The following DOC2A variants were observed in gnomAD, a reference collection of about 807,000 sequenced individuals.
DOC2A encodes the protein double C2 domain alpha.
DOC2A carries 28 observed loss-of-function variants against 40.6 expected under a neutral mutation model. The observed-to-expected ratio is 0.69, with a 90% CI of 0.51 to 0.95. The LOEUF is 0.95. DOC2A is among the 40% of genes least tolerant of loss of function. The pLI is 0.00. For missense variants in DOC2A, 474 were observed against 552.5 expected (o/e 0.86, Z 1.42); for synonymous variants, 241 against 236.9 (o/e 1.02, Z -0.16).
At position 30,010,473 on chromosome 16, in the gene DOC2A, C is replaced by T. The variant is rs916901161; in HGVS notation, c.-13-238G>A. ...CTTGCAGAAGTCGAGGTTGCACCAC[C>T]CCGTCCTCACCCACCCACTTCTAGG... On this transcript the variant is annotated intron_variant, in intron 1 of 10. Coordinates refer to ENST00000350119, the MANE Select transcript of DOC2A (RefSeq NM_003586.3). This position sits in a 1 kb window ranked among gnomAD's most constrained non-coding sequence, Gnocchi z 4.2. 16 of 599,260 alleles carry T rather than the reference C, an allele frequency of 2.7e-5. No homozygotes were observed. The highest frequency in any genetic ancestry group is 4.8e-5 in the Non-Finnish European group (16 of 334,022). The allele number at this position is 599,260 out of a possible 1,614,324, so 37.1% of individuals were successfully genotyped here. A position where few individuals can be genotyped will look rare whatever the true frequency, so the allele number is the denominator to read the frequency against.
upstream of DOC2A, among the ~76,000 whole-genome samples, chr16:30,016,045 A>ATG (rs2070852290): frequency 4.4e-5 from 1 of 22,824 alleles, no homozygotes; most frequent in Non-Finnish European, 8.3e-5. Context: ...ATATATATAT[A>ATG]TATATATATA....
In DOC2A at chr16:30,009,089, G is replaced by A. The variant is rs747051337; in HGVS notation, c.434C>T (p.Thr145Met). Residue 145 changes from threonine to methionine, a missense_variant, in exon 5 of 11, where the codon ACG (threonine) becomes ATG (methionine). By Grantham distance (81) the Thr-to-Met change is moderately conservative. Coordinates refer to ENST00000350119, the MANE Select transcript of DOC2A (RefSeq NM_003586.3). The surrounding 1 kb of genome is among the most constrained non-coding windows in gnomAD (Gnocchi z 4.1). ...PGACKANKLKTKTQRNTLNPV... is the reference protein window; with the variant it reads ...PGACKANKLKMKTQRNTLNPV... ...ATTCAGTGTGTTCCTCTGAGTCTTC[G>A]TTTTTAGCTTATTGGCCTGGGATGT... 1 of 1,592,846 alleles carries A rather than the reference G, an allele frequency of 6.3e-7. No individual in the cohort carries two copies. Among genetic ancestry groups the A allele is most frequent in the Non-Finnish European group, 8.6e-7 (1 of 1,167,684 alleles).
At position 30,007,182 on chromosome 16, in the gene DOC2A, G is replaced by A. The variant is rs764082327; in HGVS notation, c.645C>T (p.Arg215=). The A allele has an allele frequency of 2.6e-5, 42 of 1,613,880 alleles. No individual in the cohort carries two copies. In the Admixed American group the frequency reaches 4.5e-4, roughly 17 times the overall value. ...QKKHFNICLE[R]QVPLASPSSM... is the part of the protein sequence containing the mutation. Reference sequence around the variant, plus strand: ...CAGCCCCCACACAGACCGGGACCTGGCGCTCGAGGCAGATGTTAAAATGCT... The same window carrying A: ...CAGCCCCCACACAGACCGGGACCTGACGCTCGAGGCAGATGTTAAAATGCT... Residue 215 remains arginine (R), a synonymous_variant, in exon 6 of 11, where the codon CGC becomes CGT. Transcript: ENST00000350119.
chr16:30,010,076 GCCGC>G lies in DOC2A; in HGVS notation c.143_146del (p.Gly48AlafsTer42). The G allele has an allele frequency of 6.2e-7, 1 of 1,610,906 alleles. No homozygotes were observed. Among genetic ancestry groups the G allele is most frequent in the Non-Finnish European group, 8.5e-7 (1 of 1,178,418 alleles). On this transcript the variant is annotated frameshift_variant, in exon 2 of 11. Coordinates refer to ENST00000350119, the MANE Select transcript of DOC2A (RefSeq NM_003586.3). LOFTEE classifies it high-confidence loss of function. This position sits in a 1 kb window ranked among gnomAD's most constrained non-coding sequence, Gnocchi z 4.2. Reference sequence around the variant, plus strand: ...GGACCAGATGGGCGGGGGCCTCCCCGCCGCCCCCGCCGCCCCCTTCAGGTCCTGG... The same window carrying G: ...GGACCAGATGGGCGGGGGCCTCCCCGCCCCGCCGCCCCCTTCAGGTCCTGG...
At chr16:30,007,403 T>C in intron 5 of DOC2A, 104 bp from the exon 6 acceptor site, 1 of 1,513,272 alleles carries the variant, frequency 6.6e-7, no homozygotes, top group Non-Finnish European at 9.1e-7. Flanking sequence ...ACACTACGTC[T>C]CATCTGGAAG....
At position 30,009,045 on chromosome 16, in the gene DOC2A, G is replaced by T. The variant is rs2070700321; in HGVS notation, c.478C>A (p.Leu160Met). The T allele has an allele frequency of 6.2e-7, 1 of 1,613,968 alleles. No homozygotes were observed. The highest frequency in any genetic ancestry group is 1.7e-5 in the Admixed American group (1 of 60,000). ...TCATCTGTGATCCCGCTGTAAGTCA[G>T]GTCCTCATTCCACACGGGATTCAGT... ...NTLNPVWNED[L>M]TYSGITDDDI... is the part of the protein sequence containing the mutation. Residue 160 changes from leucine (L) to methionine (M), a missense_variant, in exon 5 of 11, where the codon CTG becomes ATG. Physicochemically the swap from Leu to Met is conservative, Grantham distance 15. Coordinates refer to ENST00000350119, the MANE Select transcript of DOC2A (RefSeq NM_003586.3). This position sits in a 1 kb window ranked among gnomAD's most constrained non-coding sequence, Gnocchi z 4.1.
intron 1 of DOC2A, among the ~76,000 whole-genome samples, chr16:30,019,258 C>T (rs371033832): frequency 6.6e-6 from 1 of 152,094 alleles, no homozygotes; most frequent in African/African-American, 2.4e-5. Context: ...GCAGAGGTTG[C>T]GGTGAGCCGA....
chr16:30,010,033 G>T lies in DOC2A; in HGVS notation c.190C>A (p.Pro64Thr), dbSNP rs745882272. The change falls in exon 2 of 11, where the codon CCT becomes ACT. Residue 64 changes from proline to threonine, a missense_variant. Physicochemically the swap from Pro to Thr is conservative, Grantham distance 38. Transcript: ENST00000350119. The surrounding 1 kb of genome is among the most constrained non-coding windows in gnomAD (Gnocchi z 4.2). ...AHLVPLALAP[P>T]AALLGATTPE... ...GTGGTGGCCCCAAGGAGGGCTGCAG[G>T]GGGGGCCAGAGCCAGGGGGACCAGA... 8 of 1,612,148 alleles carry T rather than the reference G, an allele frequency of 5.0e-6. No homozygotes were observed. Among genetic ancestry groups the T allele is most frequent in the Middle Eastern group, 3.7e-4 (2 of 5,356 alleles).
chr16:30,009,048 C>T lies in DOC2A; in HGVS notation c.475G>A (p.Asp159Asn), dbSNP rs200640037. ...TCTGTGATCCCGCTGTAAGTCAGGT[C>T]CTCATTCCACACGGGATTCAGTGTG... ...RNTLNPVWNE[D>N]LTYSGITDDD... Residue 159 changes from aspartate (D) to asparagine (N), a missense_variant, in exon 5 of 11, where the codon GAC (aspartate) becomes AAC (asparagine). Asp to Asn is a conservative substitution (Grantham distance 23, BLOSUM62 1). Coordinates refer to ENST00000350119, the MANE Select transcript of DOC2A (RefSeq NM_003586.3). The surrounding 1 kb of genome is among the most constrained non-coding windows in gnomAD (Gnocchi z 4.1). The T allele has an allele frequency of 6.2e-7, 1 of 1,614,120 alleles. No homozygotes were observed. Among genetic ancestry groups the T allele is most frequent in the Non-Finnish European group, 8.5e-7 (1 of 1,180,024 alleles).
chr16:30,013,103 C>T (rs1290763336), upstream of DOC2A, among the ~76,000 whole-genome samples: 3 of 139,206 alleles, frequency 2.2e-5, no homozygotes, highest in Non-Finnish European at 4.5e-5. Flanking sequence ...GGACTGATCC[C>T]TTGAGCTCAG....
chr16:30,015,818 A>T (rs1596714183), upstream of DOC2A, among the ~76,000 whole-genome samples: 1 of 144,026 alleles, frequency 6.9e-6, no homozygotes. Flanking sequence ...CTCCCACTTT[A>T]GCCTCCCATG....
At chr16:30,015,744 A>T, upstream of DOC2A, among the ~76,000 whole-genome samples, 1 of 120,842 alleles carries the variant, frequency 8.3e-6, no homozygotes, top group African/African-American at 3.2e-5. Context: ...TGTGTTGCCT[A>T]GGCTGGAGTG....
At position 30,010,280 on chromosome 16, in the gene DOC2A, T is replaced by A; in HGVS notation, c.-13-45A>T. ...CCAGTGAGCCCATCATACCTAGCCA[T>A]CCTGGCTGAGGGCCAGGCGACGGCC... On this transcript the variant is annotated intron_variant, in intron 1 of 10. Transcript: ENST00000350119. This position sits in a 1 kb window ranked among gnomAD's most constrained non-coding sequence, Gnocchi z 4.2. 1 of 1,607,474 alleles carries A rather than the reference T, an allele frequency of 6.2e-7. No homozygotes were observed. The highest frequency in any genetic ancestry group is 2.2e-5 in the East Asian group (1 of 44,862).
At chr16:30,019,356 G>A (rs536816796) in intron 1 of DOC2A, among the ~76,000 whole-genome samples, 1 of 152,136 alleles carries the variant, frequency 6.6e-6, no homozygotes, top group East Asian at 1.9e-4. Context: ...AAAGATGAGG[G>A]AGTGGAGACA....
upstream of DOC2A, among the ~76,000 whole-genome samples, chr16:30,022,246 CAAAAAAAAAAAAAAA>C (rs60987861): frequency 1.5e-4 from 5 of 34,286 alleles, no homozygotes; most frequent in Admixed American, 5.5e-4. Context: ...AACTCCATCT[CAAAAAAAAAAAAAAA>C]AAAAAAAAAA....
chr16:30,007,463 C>G, intron 5 of DOC2A, 164 bp from the exon 6 acceptor site: 1 of 915,976 alleles, frequency 1.1e-6, no homozygotes, highest in Non-Finnish European at 1.7e-6. Context: ...TCCTCTGTCC[C>G]TCCCTCTGCA....
chr16:30,010,773 G>T lies in DOC2A; in HGVS notation c.-14+130C>A. 1.6e-6 allele frequency: 1 copy of T among 636,322 alleles called. No individual in the cohort carries two copies. The highest frequency in any genetic ancestry group is 2.0e-6 in the Non-Finnish European group (1 of 502,832). The allele number at this position is 636,322 out of a possible 1,614,324, so 39.4% of individuals were successfully genotyped here. On this transcript the variant is annotated intron_variant, in intron 1 of 10. Transcript: ENST00000350119. This position sits in a 1 kb window ranked among gnomAD's most constrained non-coding sequence, Gnocchi z 4.2. ...CACGGTGGAGACCCCAGCCTCAGATGCCACCTCTGGCTCCTCAGGGGAGCC... is the reference window on the plus strand; with the variant it reads ...CACGGTGGAGACCCCAGCCTCAGATTCCACCTCTGGCTCCTCAGGGGAGCC...
chr16:30,019,577 G>A (rs1406315636), intron 1 of DOC2A, among the ~76,000 whole-genome samples: 1 of 152,164 alleles, frequency 6.6e-6, no homozygotes, highest in Non-Finnish European at 1.5e-5. Flanking sequence ...GGTCAAAATG[G>A]CCTTTACTAG....
intron 1 of DOC2A, among the ~76,000 whole-genome samples, chr16:30,019,276 C>G (rs962362031): frequency 6.6e-6 from 1 of 152,138 alleles, no homozygotes; most frequent in Non-Finnish European, 1.5e-5. Flanking sequence ...CGAGATCGCG[C>G]CACTGCACTC....
Sources: gnomAD v4.1 joint callset for allele counts (sites outside exome capture counted in the v4.1 genomes callset) on GRCh38, gnomAD v4.1.1 for gene constraint, Gnocchi (gnomAD v3.1) non-coding constraint, MANE v1.5 for transcripts, NCBI Gene and HGNC (gene_info 2026-07-23, HGNC 2026-07-21) for gene names.